The following SPTBN1 variants were observed in gnomAD, a reference collection of about 807,000 sequenced individuals.
SPTBN1 encodes the protein spectrin beta chain, non-erythrocytic 1.
SPTBN1 carries 32 observed loss-of-function variants against 266.4 expected under a neutral mutation model. The ratio of observed to expected loss-of-function variants is 0.12; its 90% confidence interval spans 0.09 to 0.16. SPTBN1 has a LOEUF of 0.16. SPTBN1 is among the 10% of genes least tolerant of loss of function. The pLI is 1.00. For missense variants in SPTBN1, 2,296 were observed against 3,067.1 expected, an observed-to-expected ratio of 0.75 and a Z score of 5.94; for synonymous variants, 1,336 against 1,162.2, an observed-to-expected ratio of 1.15 and a Z score of -3.04.
chr2:54,604,931 C>G (rs1676737209), intron 3 of SPTBN1, among the ~76,000 whole-genome samples: 1 of 152,188 alleles, frequency 6.6e-6, no homozygotes, highest in Admixed American at 6.5e-5. Context: ...AGTCTGGTAT[C>G]GACCCTTGGC....
intron 29 of SPTBN1, among the ~76,000 whole-genome samples, chr2:54,657,159 AGT>A (rs1276275201): frequency 6.6e-6 from 1 of 152,262 alleles, no homozygotes; most frequent in Non-Finnish European, 1.5e-5. Flanking sequence ...TGTTGGAACT[AGT>A]GTTCCATTTC....
At chr2:54,481,454 GTT>G (rs1330736865) in intron 1 of SPTBN1, among the ~76,000 whole-genome samples, 1 of 149,844 alleles carries the variant, frequency 6.7e-6, no homozygotes, top group Non-Finnish European at 1.5e-5. Flanking sequence ...TGTTTTGTTT[GTT>G]TGTTTGTTTG....
chr2:54,626,109 A>G lies in SPTBN1; in HGVS notation c.1519A>G (p.Ile507Val), dbSNP rs780475934. 1.2e-6 allele frequency: 2 copies of G among 1,614,210 alleles called. No homozygotes were observed. The highest frequency in any genetic ancestry group is 1.7e-6 in the Non-Finnish European group (2 of 1,180,044). ...KRITARKDNV[I>V]RLWEYLLELL... The stretch of plus-strand genomic sequence containing the variant: ...CATCACAGCGAGGAAGGACAATGTC[A>G]TCCGGCTCTGGGAATACCTACTGGA... The change falls in exon 12 of 36, where the codon ATC (isoleucine) becomes GTC (valine). Residue 507 changes from isoleucine to valine, a missense_variant. Physicochemically the swap from Ile to Val is conservative, Grantham distance 29 (BLOSUM62 3). Coordinates refer to ENST00000356805, the MANE Select transcript of SPTBN1 (RefSeq NM_003128.3). The surrounding 1 kb of genome is among the most constrained non-coding windows in gnomAD (Gnocchi z 4.7).
At chr2:54,643,360 C>T (rs547091611) in intron 19 of SPTBN1, among the ~76,000 whole-genome samples, 3 of 152,240 alleles carry the variant, frequency 2.0e-5, no homozygotes, top group South Asian at 2.1e-4. Context: ...TATCGTAGAA[C>T]GAATACTAGG....
chr2:54,631,130 A>ACCAGGC lies in SPTBN1; in HGVS notation c.3091_3096dup (p.Gln1031_Ala1032dup). 1 of 1,614,176 alleles carries ACCAGGC rather than the reference A, an allele frequency of 6.2e-7. No individual in the cohort carries two copies. The highest frequency in any genetic ancestry group is 8.5e-7 in the Non-Finnish European group (1 of 1,180,030). On this transcript the variant is annotated inframe_insertion, in exon 16 of 36. Coordinates refer to ENST00000356805, the MANE Select transcript of SPTBN1 (RefSeq NM_003128.3). The stretch of plus-strand genomic sequence containing the variant: ...GAGAAGCTGGAGTCCGAGCACCCCG[A>ACCAGGC]CCAGGCCCAGGCCATCCTGTCTCGG...
At chr2:54,615,445 T>G (rs1478911927) in intron 4 of SPTBN1, among the ~76,000 whole-genome samples, 1 of 152,212 alleles carries the variant, frequency 6.6e-6, no homozygotes, top group Non-Finnish European at 1.5e-5. Context: ...TTTGGAGCAT[T>G]TGTCTAAAAT....
intron 2 of SPTBN1, among the ~76,000 whole-genome samples, chr2:54,571,570 C>CAT (rs774382490): frequency 4.2e-3 from 176 of 41,678 alleles, no homozygotes; most frequent in East Asian, 0.012. Flanking sequence ...CACACACACA[C>CAT]ACACATACAC....
intron 1 of SPTBN1, among the ~76,000 whole-genome samples, chr2:54,459,451 C>G (rs1693242291): frequency 6.6e-6 from 1 of 152,184 alleles, no homozygotes; most frequent in African/African-American, 2.4e-5. Context: ...GAATGTATGA[C>G]TTTACATGTG....
intron 29 of SPTBN1, among the ~76,000 whole-genome samples, chr2:54,656,547 T>C (rs1680673228): frequency 6.6e-6 from 1 of 152,214 alleles, no homozygotes; most frequent in South Asian, 2.1e-4. Flanking sequence ...GGGTTTATAA[T>C]GTACAGTATT....
chr2:54,574,762 A>G (rs898326198), intron 2 of SPTBN1, among the ~76,000 whole-genome samples: 3 of 152,226 alleles, frequency 2.0e-5, no homozygotes, highest in Admixed American at 6.5e-5. Context: ...TCATGTGTCT[A>G]CTGATGCCTG....
chr2:54,472,597 A>G (rs1693984821), intron 1 of SPTBN1, among the ~76,000 whole-genome samples: 1 of 151,884 alleles, frequency 6.6e-6, no homozygotes, highest in South Asian at 2.1e-4. Flanking sequence ...TTTTTAAGTC[A>G]GAGTGGTAAA....
chr2:54,659,400 T>C (rs1031010736), intron 31 of SPTBN1, 134 bp downstream of exon 31: 1 of 837,740 alleles, frequency 1.2e-6, no homozygotes, highest in South Asian at 1.6e-5. Context: ...ATAGACTGTT[T>C]AAAGGCTGTA....
At chr2:54,544,182 C>T (rs1672104161) in intron 2 of SPTBN1, among the ~76,000 whole-genome samples, 1 of 151,996 alleles carries the variant, frequency 6.6e-6, no homozygotes, top group Non-Finnish European at 1.5e-5. Context: ...TGTTGTTTAC[C>T]CCAGCTTGCT....
chr2:54,564,288 T>A (rs1673524402), intron 2 of SPTBN1, among the ~76,000 whole-genome samples: 1 of 152,210 alleles, frequency 6.6e-6, no homozygotes, highest in South Asian at 2.1e-4. Context: ...AGCACTTTTC[T>A]TAGGAGAGTC....
intron 3 of SPTBN1, among the ~76,000 whole-genome samples, chr2:54,604,582 C>T (rs1049616173): frequency 6.6e-6 from 1 of 152,176 alleles, no homozygotes; most frequent in Admixed American, 6.5e-5. Flanking sequence ...CAAGGCCATA[C>T]TGCTTCTTAG....
At chr2:54,472,022 G>GTTTTTTTTTTTTTTTTT (rs768988675) in intron 1 of SPTBN1, among the ~76,000 whole-genome samples, 2 of 66,802 alleles carry the variant, frequency 3.0e-5, no homozygotes, top group Non-Finnish European at 5.1e-5. Flanking sequence ...CCCTGAAGAT[G>GTTTTTTTTTTTTTTTTT]TTTTTTTTTT....
rs1055670957 is a variant in SPTBN1, at chr2:54,657,692, T to G, written c.6047-158T>G. 6 of 807,336 alleles carry G rather than the reference T, an allele frequency of 7.4e-6. No individual in the cohort carries two copies. The African/African-American group carries it at 1.0e-4, about 14-fold the overall frequency. The allele number at this position is 807,336 out of a possible 1,614,324, so 50.0% of individuals were successfully genotyped here. On this transcript the variant is annotated intron_variant, in intron 29 of 35. Transcript: ENST00000356805. ...GAAAAGTCAAAGTTGCAAGTGTGGC[T>G]CACATTACATTTACATTGGACAGGG...
chr2:54,603,797 G>A (rs998481369), intron 3 of SPTBN1, among the ~76,000 whole-genome samples: 1 of 152,152 alleles, frequency 6.6e-6, no homozygotes, highest in Non-Finnish European at 1.5e-5. Context: ...GCCTTTGTTT[G>A]TGAATGTGTA....
chr2:54,593,822 A>ATTTT (rs1675848999), intron 2 of SPTBN1, among the ~76,000 whole-genome samples: 1 of 69,922 alleles, frequency 1.4e-5, no homozygotes. Flanking sequence ...TCATGGAAAC[A>ATTTT]CTTTTTTTTT....
Sources: allele counts gnomAD v4.1 joint callset (sites outside exome capture counted in the v4.1 genomes callset), GRCh38; gene constraint gnomAD v4.1.1; non-coding constraint Gnocchi (gnomAD v3.1); transcripts MANE v1.5; gene names NCBI Gene and HGNC (gene_info 2026-07-23, HGNC 2026-07-21).